SH3KBP1: variants seen among roughly 807,000 people sequenced by gnomAD.
SH3KBP1 encodes SH3 domain containing kinase binding protein 1, also known as SH3 domain-containing kinase-binding protein 1.
Under a neutral mutation model 50.1 loss-of-function variants are expected in SH3KBP1, and 8 were observed. That is an observed-to-expected ratio of 0.16 (90% CI 0.09 to 0.29). The LOEUF (loss-of-function observed/expected upper bound fraction) is 0.29. Among genes scored for constraint, SH3KBP1 ranks in the 10% least tolerant of loss-of-function variants. SH3KBP1 has a pLI of 1.00. For missense variants in SH3KBP1, 377 were observed against 535.2 expected, an observed-to-expected ratio of 0.70 and a Z score of 2.92; for synonymous variants, 227 against 218.6, an observed-to-expected ratio of 1.04 and a Z score of -0.34.
chrX:19,825,990 A>T (rs2067659571), intron 2 of SH3KBP1, among the ~76,000 whole-genome samples: 1 of 112,329 alleles, frequency 8.9e-6, no homozygotes, highest in South Asian at 3.7e-4. Context: ...TAGATTATAC[A>T]TACAATGCCA....
chrX:19,692,669 G>GTA (rs1190799937), intron 5 of SH3KBP1, among the ~76,000 whole-genome samples: 1 of 76,169 alleles, frequency 1.3e-5, no homozygotes, highest in African/African-American at 6.1e-5. Context: ...GTGTGTGTGT[G>GTA]TATGTATATA....
At chrX:19,777,657 G>T (rs2066020411) in intron 2 of SH3KBP1, among the ~76,000 whole-genome samples, 1 of 111,631 alleles carries the variant, frequency 9.0e-6, no homozygotes, top group African/African-American at 3.3e-5. Context: ...GGGCTCCCTA[G>T]ATGCAAGGGT....
chrX:19,594,839 C>A, intron 10 of SH3KBP1, 110 bp downstream of exon 10: 1 of 575,898 alleles, frequency 1.7e-6, no homozygotes, highest in South Asian at 2.9e-5. Context: ...CCCAAGTAGT[C>A]AATCTATGGC....
At chrX:19,790,247 C>G in intron 2 of SH3KBP1, among the ~76,000 whole-genome samples, 1 of 112,339 alleles carries the variant, frequency 8.9e-6, no homozygotes, top group Non-Finnish European at 1.9e-5. Context: ...CCAGGGTTCA[C>G]AGAATCATCT....
intron 1 of SH3KBP1, among the ~76,000 whole-genome samples, chrX:19,870,283 G>T: frequency 8.9e-6 from 1 of 111,785 alleles, no homozygotes; most frequent in Middle Eastern, 4.7e-3. Context: ...AGGAGGGAGG[G>T]GACAGAGCTG....
intron 16 of SH3KBP1, among the ~76,000 whole-genome samples, chrX:19,539,315 C>T (rs1471484855): frequency 1.8e-5 from 2 of 112,294 alleles, no homozygotes; most frequent in Non-Finnish European, 3.8e-5. Context: ...CGGATGAGCA[C>T]GATGATGGTC....
At chrX:19,811,422 T>C (rs762263705) in intron 2 of SH3KBP1, among the ~76,000 whole-genome samples, 11 of 111,672 alleles carry the variant, frequency 9.9e-5, no homozygotes, top group African/African-American at 3.6e-4. Flanking sequence ...TTGGATGTTG[T>C]CTCTTAGATA....
At chrX:19,801,357 C>G (rs1183573977) in intron 2 of SH3KBP1, among the ~76,000 whole-genome samples, 2 of 111,630 alleles carry the variant, frequency 1.8e-5, no homozygotes, top group Non-Finnish European at 3.8e-5. Context: ...TGGGGTCCAC[C>G]CTACCTCTAG....
intron 1 of SH3KBP1, among the ~76,000 whole-genome samples, chrX:19,861,462 A>G (rs906567034): frequency 4.5e-5 from 5 of 111,660 alleles, no homozygotes; most frequent in African/African-American, 1.6e-4. Flanking sequence ...CTATATGAGG[A>G]CTTCAAAAAG....
At chrX:19,570,834 T>C (rs959666034) in intron 12 of SH3KBP1, among the ~76,000 whole-genome samples, 1 of 111,569 alleles carries the variant, frequency 9.0e-6, no homozygotes, top group African/African-American at 3.3e-5. Context: ...TGCACGCCTG[T>C]GGTCCCAGCT....
At chrX:19,592,490 T>C (rs1441393981) in intron 10 of SH3KBP1, among the ~76,000 whole-genome samples, 1 of 111,544 alleles carries the variant, frequency 9.0e-6, no homozygotes. Context: ...ATTATCAAAC[T>C]TTACAAATAA....
intron 4 of SH3KBP1, among the ~76,000 whole-genome samples, chrX:19,700,426 C>G (rs1318929672): frequency 8.9e-6 from 1 of 111,863 alleles, no homozygotes; most frequent in African/African-American, 3.3e-5. Flanking sequence ...GACAAACGCC[C>G]ATTGTAGCCA....
intron 2 of SH3KBP1, among the ~76,000 whole-genome samples, chrX:19,765,079 G>A (rs986131321): frequency 2.2e-5 from 2 of 89,520 alleles, no homozygotes; most frequent in South Asian, 6.6e-4. Context: ...CAAGTGATCC[G>A]CCCACCTTGG....
intron 9 of SH3KBP1, among the ~76,000 whole-genome samples, chrX:19,600,912 G>C (rs762580319): frequency 8.9e-6 from 1 of 111,736 alleles, no homozygotes; most frequent in Non-Finnish European, 1.9e-5. Context: ...CTGCAGCTGA[G>C]ATCACTGAGG....
At chrX:19,743,709 G>C (rs1393126430) in intron 3 of SH3KBP1, among the ~76,000 whole-genome samples, 1 of 112,282 alleles carries the variant, frequency 8.9e-6, no homozygotes, top group African/African-American at 3.2e-5. Context: ...GCTGCAAAGT[G>C]AGGCATGTCA....
chrX:19,795,214 C>CT (rs2066673195), intron 2 of SH3KBP1, among the ~76,000 whole-genome samples: 1 of 111,405 alleles, frequency 9.0e-6, no homozygotes, highest in South Asian at 3.8e-4. Flanking sequence ...CTTTAGCTTG[C>CT]TTTTGCATGG....
chrX:19,540,801 C>T (rs937276654), intron 16 of SH3KBP1, among the ~76,000 whole-genome samples: 3 of 111,969 alleles, frequency 2.7e-5, no homozygotes, highest in African/African-American at 9.7e-5. Flanking sequence ...CCTAAATCAT[C>T]GTTCAAAATC....
chrX:19,798,017 G>A (rs1010943212), intron 2 of SH3KBP1, among the ~76,000 whole-genome samples: 2 of 110,752 alleles, frequency 1.8e-5, no homozygotes, highest in African/African-American at 3.3e-5. Context: ...GTACCATGAC[G>A]GTGTCCTACA....
chrX:19,559,245 C>A (rs1265993291), intron 13 of SH3KBP1, among the ~76,000 whole-genome samples: 1 of 63,754 alleles, frequency 1.6e-5, no homozygotes, highest in East Asian at 5.9e-4. Context: ...GCACTCCAGT[C>A]TGGGTGACAG....
Sources: gnomAD v4.1 joint callset for allele counts (sites outside exome capture counted in the v4.1 genomes callset) on GRCh38, gnomAD v4.1.1 for gene constraint, MANE v1.5 for transcripts, NCBI Gene and HGNC (gene_info 2026-07-23, HGNC 2026-07-21) for gene names.